Variants in MAP3K9 observed in about 807,000 individuals in gnomAD.
MAP3K9 encodes mixed lineage kinase 1 (tyr and ser/thr specificity).
In MAP3K9, 46 loss-of-function variants were observed where a neutral mutation model predicts 95.8. The ratio of observed to expected loss-of-function variants is 0.48; its 90% CI spans 0.38 to 0.61. The LOEUF (loss-of-function observed/expected upper bound fraction) is 0.61, where lower values mean the gene tolerates loss of function less well. Among genes scored for constraint, MAP3K9 ranks in the 20% least tolerant of loss-of-function variants. The pLI is 0.00. For missense variants in MAP3K9, 1,296 were observed against 1,474.3 expected (o/e 0.88, Z 1.98); for synonymous variants, 533 against 593.8 (o/e 0.90, Z 1.49).
intron 5 of MAP3K9, among the ~76,000 whole-genome samples, chr14:70,743,798 A>G (rs929266775): frequency 1.3e-5 from 2 of 152,200 alleles, no homozygotes; most frequent in African/African-American, 4.8e-5. Flanking sequence ...ACAGTGTGGC[A>G]ACTCCTCAAG....
rs2054920048 is a variant in MAP3K9 at position 70,800,802 on chromosome 14, T to G, written c.685A>C (p.Asn229His). 2 of 1,614,116 alleles carry G rather than the reference T, an allele frequency of 1.2e-6. No homozygotes were observed. Among genetic ancestry groups the G allele is most frequent in the Non-Finnish European group, 1.7e-6 (2 of 1,180,014 alleles). ...VMEFARGGPL[N>H]RVLSGKRIPP... ...ATCCTTTTCCCAGATAACACTCTAT[T>G]CAAAGGTCCTCCACGAGCAAACTCC... Residue 229 changes from asparagine to histidine, a missense_variant, in exon 2 of 12, where the codon AAT (asparagine) becomes CAT (histidine). Transcript: ENST00000554752.
chr14:70,749,995 A>G lies in MAP3K9; in HGVS notation c.1088T>C (p.Met363Thr), dbSNP rs1255130138. ...AGGAATAGGAAGGGCGAGTTTGTTC[A>G]TGGCCACTCCATAAGCGACTGCTAA... The part of the protein sequence containing the change: ...DGLAVAYGVA[M>T]NKLALPIPST... The change falls in exon 4 of 12, where the codon ATG becomes ACG. Residue 363 changes from methionine to threonine, a missense_variant. Physicochemically the swap from Met to Thr is moderately conservative, Grantham distance 81. Around this residue, in one of 5 missense-constraint regions of MAP3K9, gnomAD observed 136 missense variants for 221.5 expected, o/e 0.61. Coordinates refer to ENST00000554752, the MANE Select transcript of MAP3K9 (RefSeq NM_001284230.2). The G allele has an allele frequency of 1.2e-6, 2 of 1,614,206 alleles. No homozygotes were observed. Among genetic ancestry groups the G allele is most frequent in the East Asian group, 4.5e-5 (2 of 44,884 alleles).
At position 70,742,343 on chromosome 14, in the gene MAP3K9, C is replaced by T. The variant is rs756279274; in HGVS notation, c.1567+8G>A. 6.2e-7 allele frequency: 1 copy of T among 1,612,442 alleles called. No individual in the cohort carries two copies. Among genetic ancestry groups the T allele is most frequent in the East Asian group, 2.2e-5 (1 of 44,866 alleles). ...CTCCCACTTCCCAGCCAGTCCCCGG[C>T]CACTGACCAGAAGGGAGGCTGATGC... On this transcript the variant is annotated splice_region_variant and intron_variant, in intron 6 of 11. Transcript: ENST00000554752.
chr14:70,749,518 A>G (rs2054196741), intron 4 of MAP3K9: 1 of 169,116 alleles, frequency 5.9e-6, no homozygotes, highest in Admixed American at 6.0e-5. Flanking sequence ...CCACCTATCC[A>G]CTCAACTTCG....
rs953390152 is a variant in MAP3K9, at chr14:70,724,922, A to T, written c.*5458T>A. ...CCAATCCTGAGACACCTAACTAGTT[A>T]GACACCTATCTCGATAGACACCTGT... On this transcript the variant is annotated 3_prime_UTR_variant, in exon 12 of 12. Coordinates refer to ENST00000554752, the MANE Select transcript of MAP3K9 (RefSeq NM_001284230.2). 5 of 152,226 alleles carry T rather than the reference A, an allele frequency of 3.3e-5. No individual in the cohort carries two copies. The highest frequency in any genetic ancestry group is 1.2e-4 in the African/African-American group (5 of 41,454). 9.4% of individuals were successfully genotyped at this position (152,226 alleles called of 1,614,324 possible).
At chr14:70,741,502 A>G (rs2054069414) in intron 6 of MAP3K9, among the ~76,000 whole-genome samples, 1 of 152,188 alleles carries the variant, frequency 6.6e-6, no homozygotes, top group South Asian at 2.1e-4. Flanking sequence ...CTCCATGGAT[A>G]TATTACACAC....
chr14:70,776,189 A>AAAAT (rs796269617), intron 2 of MAP3K9, among the ~76,000 whole-genome samples: 16 of 152,326 alleles, frequency 1.1e-4, no homozygotes, highest in African/African-American at 3.8e-4. Flanking sequence ...ACTCCGTCTC[A>AAAAT]AAATAAATAA....
intron 2 of MAP3K9, among the ~76,000 whole-genome samples, chr14:70,762,724 T>A (rs1434106309): frequency 1.3e-5 from 2 of 152,234 alleles, no homozygotes; most frequent in Non-Finnish European, 2.9e-5. Flanking sequence ...ATACTTTTGA[T>A]ACACCAAAGT....
intron 11 of MAP3K9, among the ~76,000 whole-genome samples, chr14:70,731,766 G>A (rs1373398104): frequency 6.6e-6 from 1 of 152,200 alleles, no homozygotes; most frequent in Non-Finnish European, 1.5e-5. Flanking sequence ...CAGGAGGGCA[G>A]GTCAAGCCAA....
intron 2 of MAP3K9, among the ~76,000 whole-genome samples, chr14:70,765,735 T>A (rs1291508427): frequency 4.9e-5 from 6 of 122,328 alleles, no homozygotes; most frequent in East Asian, 2.4e-4. Flanking sequence ...CAACAACAGC[T>A]AAAAAAAAAA....
intron 2 of MAP3K9, among the ~76,000 whole-genome samples, chr14:70,785,573 T>C (rs2068089727): frequency 1.3e-5 from 2 of 151,778 alleles, no homozygotes; most frequent in Non-Finnish European, 2.9e-5. Context: ...TGAGATGAAG[T>C]GCGCGGTAGA....
chr14:70,761,148 C>G lies in MAP3K9; in HGVS notation c.855G>C (p.Leu285=), dbSNP rs371303552. 1 of 1,614,028 alleles carries G rather than the reference C, an allele frequency of 6.2e-7. No homozygotes were observed. Among genetic ancestry groups the G allele is most frequent in the East Asian group, 2.2e-5 (1 of 44,880 alleles). The part of the protein sequence containing the change: ...LILQKVENGD[L]SNKILKITDF... ...CAGTGATCTTCAGAATCTTGTTGCT[C>G]AGGTCTCCATTCTCCACCTTCTGGA... The change falls in exon 3 of 12, where the codon CTG becomes CTC. Residue 285 remains leucine (L), a synonymous_variant. Transcript: ENST00000554752.
chr14:70,733,184 TC>T lies in MAP3K9; in HGVS notation c.2184del (p.Ser729ValfsTer5). The T allele has an allele frequency of 6.2e-7, 1 of 1,610,726 alleles. No individual in the cohort carries two copies. Among genetic ancestry groups the T allele is most frequent in the South Asian group, 1.1e-5 (1 of 90,858 alleles). On this transcript the variant is annotated frameshift_variant, in exon 11 of 12. Coordinates refer to ENST00000554752, the MANE Select transcript of MAP3K9 (RefSeq NM_001284230.2). LOFTEE classifies it high-confidence loss of function. ...HEEPTPVNSATSTPQLTPTNS... is the reference protein window; with the variant it reads ...HEEPTPVNSAXSTPQLTPTNS... ...TTGGTTGGCGTCAGCTGAGGGGTAC[TC>T]GTGGCCGAGTTGACTGGGGTGGGCT...
In MAP3K9 at chr14:70,756,035, T is replaced by C. The variant is rs142500397; in HGVS notation, c.1001+4967A>G. On this transcript the variant is annotated intron_variant, in intron 3 of 11. Transcript: ENST00000554752. ...TCTTCCTTCAAGCCTGCTTTTAGGATCATGGTTATAGGGCAAGACCTAGAG... is the reference window on the plus strand; with the variant it reads ...TCTTCCTTCAAGCCTGCTTTTAGGACCATGGTTATAGGGCAAGACCTAGAG... Among the ~76,000 whole-genome samples, 212 of 152,276 alleles carry C rather than the reference T, an allele frequency of 1.4e-3. 1 individual carries two copies. Among genetic ancestry groups the C allele is most frequent in the Admixed American group, 0.012 (188 of 15,302 alleles).
At chr14:70,778,086 TTTG>T (rs141191354) in intron 2 of MAP3K9, among the ~76,000 whole-genome samples, 2 of 151,592 alleles carry the variant, frequency 1.3e-5, no homozygotes, top group Non-Finnish European at 2.9e-5. Flanking sequence ...TTTTTTGTTG[TTTG>T]TTGTTGTTGT....
chr14:70,788,718 A>T (rs17108539), intron 2 of MAP3K9, among the ~76,000 whole-genome samples: 3 of 152,092 alleles, frequency 2.0e-5, no homozygotes, highest in Admixed American at 1.3e-4. Context: ...TGTGATTATC[A>T]AAACTATAAA....
At chr14:70,783,155 G>T (rs935685934) in intron 2 of MAP3K9, 1 of 499,912 alleles carries the variant, frequency 2.0e-6, no homozygotes, top group African/African-American at 2.1e-5. Context: ...ATGCTTGTAA[G>T]AAACCTAAAA....
chr14:70,798,470 A>ATTTTTTT (rs1355994940), intron 2 of MAP3K9, among the ~76,000 whole-genome samples: 97 of 108,286 alleles, frequency 9.0e-4, no homozygotes, highest in Non-Finnish European at 1.6e-3. Flanking sequence ...GGTCACCAAA[A>ATTTTTTT]GTTTTTTTTT....
Position 70,733,269 on chromosome 14 carries a change from A to G in MAP3K9, c.2100T>C (p.Cys700=). The G allele has an allele frequency of 6.2e-7, 1 of 1,611,674 alleles. No homozygotes were observed. The highest frequency in any genetic ancestry group is 8.5e-7 in the Non-Finnish European group (1 of 1,178,482). Residue 700 remains cysteine (C), a synonymous_variant, in exon 11 of 12, where the codon TGT becomes TGC. Transcript: ENST00000554752. Reference sequence around the variant, plus strand: ...CATCCTCTCCACGAGGGAATGGGATACAGAGGTAGGACTGGCTGGGTGAAT... The same window carrying G: ...CATCCTCTCCACGAGGGAATGGGATGCAGAGGTAGGACTGGCTGGGTGAAT... ...LQHSPSQSYL[C]IPFPRGEDGD...
Sources: gnomAD v4.1 joint callset for allele counts (sites outside exome capture counted in the v4.1 genomes callset) on GRCh38, gnomAD v4.1.1 for gene constraint, gnomAD v4.1.1 regional missense constraint, MANE v1.5 for transcripts, NCBI Gene and HGNC (gene_info 2026-07-23, HGNC 2026-07-21) for gene names.